OCIAD2: variants seen among roughly 807,000 people sequenced by gnomAD.
OCIAD2 encodes the protein OCIA domain-containing protein 2.
OCIAD2 carries 29 observed loss-of-function variants against 22.9 expected under a neutral mutation model. That is an observed-to-expected ratio of 1.27 (90% confidence interval 0.94 to 1.73). The LOEUF (loss-of-function observed/expected upper bound fraction) is 1.73. OCIAD2 is among the 40% of genes most tolerant of loss of function. The probability of loss-of-function intolerance (pLI) is 0.00; values close to 1 mark genes in which losing one functional copy is unlikely to be tolerated. For missense variants in OCIAD2, 189 were observed against 180.3 expected (o/e 1.05, Z -0.28); for synonymous variants, 67 against 60.2 (o/e 1.11, Z -0.52).
At chr4:48,904,771 C>A (rs1346719704) in intron 1 of OCIAD2, 160 bp from the exon 2 acceptor site, 3 of 597,636 alleles carry the variant, frequency 5.0e-6, no homozygotes, top group Non-Finnish European at 8.9e-6. Context: ...TCCACCAGCA[C>A]ACATACATGC....
intron 6 of OCIAD2, 141 bp from the exon 7 acceptor site, chr4:48,885,706 G>A: frequency 1.8e-6 from 1 of 560,214 alleles, no homozygotes; most frequent in Non-Finnish European, 3.2e-6. Flanking sequence ...TGCCCAGGCT[G>A]GTCTCGAGGG....
chr4:48,891,085 C>G (rs1781168134), intron 6 of OCIAD2, among the ~76,000 whole-genome samples: 1 of 152,112 alleles, frequency 6.6e-6, no homozygotes, highest in African/African-American at 2.4e-5. Flanking sequence ...TTTCCCCTCT[C>G]TACATACTAT....
intron 6 of OCIAD2, among the ~76,000 whole-genome samples, chr4:48,885,814 G>A (rs1194257356): frequency 6.6e-6 from 1 of 152,106 alleles, no homozygotes; most frequent in Non-Finnish European, 1.5e-5. Context: ...TATAGTCTAT[G>A]CTAAAGTTCA....
chr4:48,892,292 A>G (rs1781195047), intron 6 of OCIAD2, among the ~76,000 whole-genome samples: 1 of 152,242 alleles, frequency 6.6e-6, no homozygotes, highest in Non-Finnish European at 1.5e-5. Flanking sequence ...AGAAACTTGC[A>G]GGGTCACACA....
intron 6 of OCIAD2, among the ~76,000 whole-genome samples, chr4:48,891,864 G>A (rs1292045061): frequency 2.0e-5 from 3 of 152,198 alleles, no homozygotes; most frequent in East Asian, 3.8e-4. Flanking sequence ...TGAGGTGACA[G>A]ACCATTTTCC....
chr4:48,886,820 T>C (rs1781002543), intron 6 of OCIAD2, among the ~76,000 whole-genome samples: 1 of 152,242 alleles, frequency 6.6e-6, no homozygotes, highest in African/African-American at 2.4e-5. Flanking sequence ...TGTGTCTTTA[T>C]AGCAGCAGGC....
intron 2 of OCIAD2, among the ~76,000 whole-genome samples, chr4:48,901,951 G>A (rs1034252976): frequency 6.6e-6 from 1 of 151,998 alleles, no homozygotes; most frequent in African/African-American, 2.4e-5. Flanking sequence ...GGAGGCGTGG[G>A]GGGGGCGTTC....
Position 48,885,292 on chromosome 4 carries a change from A to G in OCIAD2, c.*192T>C. 1.8e-6 allele frequency: 1 copy of G among 556,718 alleles called. No homozygotes were observed. The highest frequency in any genetic ancestry group is 3.1e-5 in the East Asian group (1 of 32,712). The allele number at this position is 556,718 out of a possible 1,614,324, so 34.5% of individuals were successfully genotyped here. On this transcript the variant is annotated 3_prime_UTR_variant, in exon 7 of 7. Transcript: ENST00000508632. ...GCATGAGCCACTGCGCCATGCCCCG[A>G]CATGTTCTTAAAGAGCAGAAAAACA...
At chr4:48,903,252 C>T (rs1781453337) in intron 2 of OCIAD2, among the ~76,000 whole-genome samples, 1 of 152,166 alleles carries the variant, frequency 6.6e-6, no homozygotes, top group Admixed American at 6.5e-5. Flanking sequence ...CACTTGGGTT[C>T]TCAATCTGCT....
At position 48,892,868 on chromosome 4, in the gene OCIAD2, C is replaced by T; in HGVS notation, c.287G>A (p.Gly96Asp). The change falls in exon 6 of 7, where the codon GGC (glycine) becomes GAC (aspartate). Residue 96 changes from glycine to aspartate, a missense_variant. Coordinates refer to ENST00000508632, the MANE Select transcript of OCIAD2 (RefSeq NM_001014446.3). The part of the protein sequence containing the change: ...KVALAGLLGF[G>D]LGKVSYIGVC... The stretch of plus-strand genomic sequence containing the variant: ...TCCTATGTATGATACCTTTCCAAGG[C>T]CAAATCCCAAGAGACCAGCAACTGT... The T allele has an allele frequency of 6.2e-7, 1 of 1,604,192 alleles. No homozygotes were observed. Among genetic ancestry groups the T allele is most frequent in the South Asian group, 1.1e-5 (1 of 89,446 alleles).
chr4:48,895,137 C>T (rs1246896308), intron 4 of OCIAD2, among the ~76,000 whole-genome samples: 1 of 152,116 alleles, frequency 6.6e-6, no homozygotes, highest in Admixed American at 6.6e-5. Context: ...AAAAGGAAGC[C>T]CAAGAGCCTC....
At chr4:48,885,644 A>T in intron 6 of OCIAD2, 79 bp from the exon 7 acceptor site, 1 of 773,650 alleles carries the variant, frequency 1.3e-6, no homozygotes, top group Non-Finnish European at 2.2e-6. Flanking sequence ...TATTATTCTT[A>T]TTATTTTAAC....
Position 48,905,463 on chromosome 4 carries a change from G to A in OCIAD2, c.-62-852C>T, listed in dbSNP as rs539636428. Among the ~76,000 whole-genome samples the A allele has an allele frequency of 3.3e-5, 5 of 151,908 alleles. No individual in the cohort carries two copies. The East Asian group carries it at 5.8e-4, about 18-fold the overall frequency. On this transcript the variant is annotated intron_variant, in intron 1 of 6. Transcript: ENST00000508632. The stretch of plus-strand genomic sequence containing the variant: ...GCAGGCCAAGGAAATGACTGAGAAG[G>A]AATAGCTGATACAGAGGGGAGGGAA...
chr4:48,900,464 C>T (rs1402953590), intron 2 of OCIAD2, among the ~76,000 whole-genome samples: 1 of 151,894 alleles, frequency 6.6e-6, no homozygotes, highest in Non-Finnish European at 1.5e-5. Flanking sequence ...AGTTTACTTT[C>T]AATCTGGATG....
chr4:48,900,873 C>T (rs1409881113), intron 2 of OCIAD2, among the ~76,000 whole-genome samples: 4 of 152,042 alleles, frequency 2.6e-5, no homozygotes, highest in Admixed American at 6.5e-5. Flanking sequence ...GGATTACAGG[C>T]GTAAGTCACT....
intron 4 of OCIAD2, 62 bp from the exon 5 acceptor site, chr4:48,894,115 A>ATTATAAT (rs1781247380): frequency 2.4e-6 from 2 of 826,966 alleles, no homozygotes; most frequent in South Asian, 6.9e-5. Flanking sequence ...TAAGTTATAA[A>ATTATAAT]TTATAAGTTA....
intron 1 of OCIAD2, 94 bp from the exon 2 acceptor site, chr4:48,904,705 T>C: frequency 1.4e-6 from 1 of 707,356 alleles, no homozygotes; most frequent in Non-Finnish European, 2.4e-6. Context: ...ATTTGGAAAA[T>C]GTGTTTTTCC....
At chr4:48,894,425 G>A (rs1184771799) in intron 4 of OCIAD2, among the ~76,000 whole-genome samples, 7 of 152,124 alleles carry the variant, frequency 4.6e-5, no homozygotes, top group Admixed American at 2.0e-4. Flanking sequence ...CCCAGGAGGC[G>A]GAGGTTGCAG....
Position 48,892,866 on chromosome 4 carries a change from G to T in OCIAD2, c.289C>A (p.Leu97Ile). ...ACTCCTATGTATGATACCTTTCCAA[G>T]GCCAAATCCCAAGAGACCAGCAACT... ...VALAGLLGFG[L>I]GKVSYIGVCQ... Residue 97 changes from leucine (L) to isoleucine (I), a missense_variant, in exon 6 of 7, where the codon CTT becomes ATT. By Grantham distance (5) the Leu-to-Ile change is conservative (BLOSUM62 2). Transcript: ENST00000508632. 6.2e-7 allele frequency: 1 copy of T among 1,605,772 alleles called. No individual in the cohort carries two copies. The highest frequency in any genetic ancestry group is 8.5e-7 in the Non-Finnish European group (1 of 1,175,044).
Sources: allele counts gnomAD v4.1 joint callset (sites outside exome capture counted in the v4.1 genomes callset), GRCh38; gene constraint gnomAD v4.1.1; transcripts MANE v1.5; gene names NCBI Gene and HGNC (gene_info 2026-07-23, HGNC 2026-07-21).